The following TRPM1 variants were observed in gnomAD, a reference collection of about 807,000 sequenced individuals.
The protein encoded by TRPM1 is transient receptor potential cation channel subfamily M member 1.
In TRPM1, 113 loss-of-function variants were observed where a neutral mutation model predicts 149.4. The observed-to-expected ratio is 0.76, with a 90% CI of 0.65 to 0.88. TRPM1 has a LOEUF of 0.88. Among genes scored for constraint, TRPM1 ranks in the 40% least tolerant of loss-of-function variants. TRPM1 has a pLI of 0.00. For synonymous variants in TRPM1, 741 were observed against 759.5 expected, an observed-to-expected ratio of 0.98 and a Z score of 0.40; for missense variants, 1,976 against 2,038.7, an observed-to-expected ratio of 0.97 and a Z score of 0.59.
At chr15:31,116,437 A>G (rs1452407239) in intron 1 of TRPM1, among the ~76,000 whole-genome samples, 20 of 152,024 alleles carry the variant, frequency 1.3e-4, no homozygotes, top group Admixed American at 1.3e-3. Flanking sequence ...GCGAAACCCC[A>G]TCTCTACTAA....
At position 31,026,177 on chromosome 15, in the gene TRPM1, C is replaced by T. The variant is rs765251876; in HGVS notation, c.3591G>A (p.Gln1197=). 6.2e-7 allele frequency: 1 copy of T among 1,612,428 alleles called. No homozygotes were observed. Among genetic ancestry groups the T allele is most frequent in the African/African-American group, 1.3e-5 (1 of 75,068 alleles). ...EHFREKEDEQ[Q]SSSDERIRVT... is the part of the protein sequence containing the mutation. ...CCCGGATGCGCTCGTCGCTGGACGA[C>T]TGCTGCTCATCCTCCTTCTCCCGGA... Residue 1197 remains glutamine, a synonymous_variant, in exon 27 of 28, where the codon CAG becomes CAA. Transcript: ENST00000256552.
chr15:31,128,634 A>G (rs1354284893), intron 1 of TRPM1, among the ~76,000 whole-genome samples: 4 of 152,174 alleles, frequency 2.6e-5, no homozygotes, highest in Non-Finnish European at 5.9e-5. Context: ...CCATGAAGCC[A>G]CCGCATCACT....
At chr15:31,045,882 A>G (rs2033747680) in intron 16 of TRPM1, among the ~76,000 whole-genome samples, 1 of 152,206 alleles carries the variant, frequency 6.6e-6, no homozygotes, top group African/African-American at 2.4e-5. Context: ...TAGGACTATG[A>G]AAATAGTCTA....
chr15:31,156,806 C>T (rs1567084429), intron 1 of TRPM1, among the ~76,000 whole-genome samples: 1 of 152,218 alleles, frequency 6.6e-6, no homozygotes, highest in Non-Finnish European at 1.5e-5. Context: ...AAATGTTTCA[C>T]AGAGTTTGAC....
At position 31,050,555 on chromosome 15, in the gene TRPM1, C is replaced by T; in HGVS notation, c.1291G>A (p.Asp431Asn). 1 of 1,614,114 alleles carries T rather than the reference C, an allele frequency of 6.2e-7. No individual in the cohort carries two copies. Among genetic ancestry groups the T allele is most frequent in the Non-Finnish European group, 8.5e-7 (1 of 1,180,030 alleles). Residue 431 changes from aspartate (D) to asparagine (N), a missense_variant, in exon 12 of 28, where the codon GAC becomes AAC. Transcript: ENST00000256552. ...TTCTCCTTCTCCGTGGCTTTGCTGT[C>T]CGTCGGGGGTGCCAGGCTTCCCAGG... Reference protein sequence around the residue: ...PPLGSLAPPTDSKATEKEKKP... With the variant: ...PPLGSLAPPTNSKATEKEKKP...
chr15:31,034,234 C>T (rs922748509), intron 21 of TRPM1, among the ~76,000 whole-genome samples: 6 of 152,224 alleles, frequency 3.9e-5, no homozygotes, highest in Non-Finnish European at 5.9e-5. Context: ...AGATTGCTTA[C>T]TGGGAGTTAC....
rs776676279 is a variant in TRPM1, at chr15:31,067,880, T to C, written c.492A>G (p.Thr164=). ...GAWIFTGGVS[T]GVISHVGDAL... ...GGGAGGGAAAGGGCCTGCTCTTACC[T>C]GTGCTGACACCCCCGGTGAAGATCC... Residue 164 remains threonine (T), a splice_region_variant and synonymous_variant, in exon 5 of 28, where the codon ACA becomes ACG. Coordinates refer to ENST00000256552, the MANE Select transcript of TRPM1 (RefSeq NM_001252024.2). 1 of 1,612,708 alleles carries C rather than the reference T, an allele frequency of 6.2e-7. No homozygotes were observed. Among genetic ancestry groups the C allele is most frequent in the Admixed American group, 1.7e-5 (1 of 60,024 alleles).
chr15:31,149,033 C>T (rs1051123501), intron 1 of TRPM1, among the ~76,000 whole-genome samples: 1 of 152,206 alleles, frequency 6.6e-6, no homozygotes, highest in Non-Finnish European at 1.5e-5. Flanking sequence ...AGAGTGACCT[C>T]GCAGGTCTGA....
intron 2 of TRPM1, among the ~76,000 whole-genome samples, 161 bp downstream of exon 2, chr15:31,081,192 G>C (rs1187747107): frequency 6.6e-6 from 1 of 152,090 alleles, no homozygotes; most frequent in Non-Finnish European, 1.5e-5. Context: ...CTCGGCACCA[G>C]GGCAAGTGCA....
chr15:31,092,457 G>A (rs1365845040), intron 1 of TRPM1, among the ~76,000 whole-genome samples: 1 of 152,184 alleles, frequency 6.6e-6, no homozygotes, highest in Admixed American at 6.5e-5. Context: ...CGACCACGCG[G>A]CCAGGCAGCC....
chr15:31,020,047 C>T (rs1327276471), intron 27 of TRPM1, among the ~76,000 whole-genome samples: 1 of 152,216 alleles, frequency 6.6e-6, no homozygotes. Flanking sequence ...GAACATTAAG[C>T]TTTCTGGGAT....
At chr15:31,148,500 A>G (rs563931602) in intron 1 of TRPM1, among the ~76,000 whole-genome samples, 47 of 152,316 alleles carry the variant, frequency 3.1e-4, no homozygotes, top group African/African-American at 1.1e-3. Flanking sequence ...CTCTATGATG[A>G]TGTGAATTTC....
At chr15:31,111,174 T>G (rs1264048149) in intron 1 of TRPM1, among the ~76,000 whole-genome samples, 1 of 152,200 alleles carries the variant, frequency 6.6e-6, no homozygotes. Context: ...AGGTTGCAGC[T>G]GGAGCTTCCG....
At chr15:31,122,633 A>G (rs1596086094) in intron 1 of TRPM1, among the ~76,000 whole-genome samples, 2 of 152,350 alleles carry the variant, frequency 1.3e-5, no homozygotes, top group South Asian at 2.1e-4. Context: ...TATGTCCAAG[A>G]TAAACATGAG....
intron 1 of TRPM1, among the ~76,000 whole-genome samples, chr15:31,134,798 T>C (rs1364134006): frequency 6.6e-6 from 1 of 152,200 alleles, no homozygotes; most frequent in African/African-American, 2.4e-5. Flanking sequence ...GGTCGGGAGT[T>C]TGAGACCAGC....
At chr15:31,035,409 G>C in intron 21 of TRPM1, 137 bp downstream of exon 21, 3 of 1,252,808 alleles carry the variant, frequency 2.4e-6, no homozygotes, top group South Asian at 1.2e-5. Flanking sequence ...GCCTCCCAGA[G>C]TGCTGGGATT....
chr15:31,047,365 AGGTG>A (rs1373692798), intron 14 of TRPM1, 114 bp from the exon 15 acceptor site: 13 of 1,159,780 alleles, frequency 1.1e-5, no homozygotes, highest in Admixed American at 3.8e-5. Flanking sequence ...TTCATGTAAC[AGGTG>A]GGTGGGTGGG....
chr15:31,083,476 G>GGT lies in TRPM1; in HGVS notation c.-83-2039_-83-2038insAC, dbSNP rs2034916630. The stretch of plus-strand genomic sequence containing the variant: ...GCGGGTTCCCACATGTGCCCTGACA[G>GGT]CTCCCTGGGACCTGCCTTTGCCCGG... On this transcript the variant is annotated intron_variant, in intron 1 of 27. Transcript: ENST00000256552. 2.0e-5 allele frequency among the ~76,000 whole-genome samples: 3 copies of GGT among 152,332 alleles called. No individual in the cohort carries two copies. The South Asian group carries it at 6.2e-4, about 32-fold the overall frequency.
chr15:31,061,403 C>T (rs769890450), intron 10 of TRPM1, 39 bp downstream of exon 10: 8 of 1,600,986 alleles, frequency 5.0e-6, no homozygotes, highest in Admixed American at 1.7e-5. Context: ...GCTAGGCCAA[C>T]ATCAGAGGGA....
Sources: allele counts gnomAD v4.1 joint callset (sites outside exome capture counted in the v4.1 genomes callset), GRCh38; gene constraint gnomAD v4.1.1; transcripts MANE v1.5; gene names NCBI Gene and HGNC (gene_info 2026-07-23, HGNC 2026-07-21).